Variants in HK1 observed in about 807,000 individuals in gnomAD.
HK1 encodes hexokinase-1.
A neutral mutation model predicts 91.6 loss-of-function variants in HK1; 28 were observed. The observed-to-expected ratio is 0.31, with a 90% confidence interval of 0.23 to 0.42. The LOEUF is 0.42. Among genes scored for constraint, HK1 ranks in the 10% least tolerant of loss-of-function variants. The probability of loss-of-function intolerance (pLI) is 1.00; values close to 1 mark genes in which losing one functional copy is unlikely to be tolerated. For synonymous variants in HK1, 430 were observed against 468.1 expected, an observed-to-expected ratio of 0.92 and a Z score of 1.05; for missense variants, 770 against 1,219.8, an observed-to-expected ratio of 0.63 and a Z score of 5.49.
intron 1 of HK1, among the ~76,000 whole-genome samples, chr10:69,275,271 A>G (rs1844380044): frequency 6.6e-6 from 1 of 151,632 alleles, no homozygotes; most frequent in Admixed American, 6.6e-5. Context: ...CTGTAATCTC[A>G]GTACTTTGGG....
At chr10:69,303,616 C>T (rs1018320349) in intron 5 of HK1, among the ~76,000 whole-genome samples, 9 of 152,056 alleles carry the variant, frequency 5.9e-5, no homozygotes, top group Admixed American at 2.0e-4. Context: ...CCTCTGGATC[C>T]GTCACCAGAG....
At chr10:69,368,222 G>A (rs771393967) in intron 4 of HK1, among the ~76,000 whole-genome samples, 1 of 152,234 alleles carries the variant, frequency 6.6e-6, no homozygotes, top group Non-Finnish European at 1.5e-5. Flanking sequence ...GTCTGGCTGC[G>A]CAGTTGGCAT....
rs112173331 is a variant in HK1, at chr10:69,337,508, A to G, written c.64-6319A>G. On this transcript the variant is annotated intron_variant, in intron 1 of 17. Coordinates refer to ENST00000359426, the MANE Select transcript of HK1 (RefSeq NM_000188.3). ...GGGATAATGTATGTGAAGGTCCTGT[A>G]TCTGAAGGGCCAGTGCACATGTGAG... Among the ~76,000 whole-genome samples, 124 of 152,352 alleles carry G rather than the reference A, an allele frequency of 8.1e-4. 1 individual carries two copies. The highest frequency in any genetic ancestry group is 2.8e-3 in the African/African-American group (118 of 41,580).
intron 1 of HK1, chr10:69,270,205 G>A (rs1380284077): frequency 1.3e-5 from 2 of 152,078 alleles, no homozygotes; most frequent in Non-Finnish European, 2.9e-5. Context: ...CGAACTCTTG[G>A]GCTCAAGCAA....
chr10:69,276,719 TATTA>T (rs1038154581), intron 1 of HK1, among the ~76,000 whole-genome samples: 31 of 150,600 alleles, frequency 2.1e-4, no homozygotes, highest in African/African-American at 7.5e-4. Flanking sequence ...ATTATTTAAT[TATTA>T]ATTAACATAA....
At chr10:69,349,371 C>A (rs1173410438) in intron 2 of HK1, among the ~76,000 whole-genome samples, 1 of 152,120 alleles carries the variant, frequency 6.6e-6, no homozygotes, top group East Asian at 1.9e-4. Context: ...TTGGAAACTG[C>A]AAACCACCGT....
intron 15 of HK1, 74 bp from the exon 16 acceptor site, chr10:69,394,876 G>A: frequency 6.8e-7 from 1 of 1,476,258 alleles, no homozygotes; most frequent in East Asian, 2.3e-5. Context: ...GACGCGGAGT[G>A]ACCGTGAGAC....
At chr10:69,274,336 G>A (rs1844331578) in intron 1 of HK1, among the ~76,000 whole-genome samples, 1 of 152,020 alleles carries the variant, frequency 6.6e-6, no homozygotes, top group African/African-American at 2.4e-5. Context: ...AGTGGCTCAC[G>A]TTTCTAATCC....
intron 15 of HK1, 25 bp from the exon 16 acceptor site, chr10:69,394,924 AC>A: frequency 2.5e-6 from 4 of 1,613,512 alleles, no homozygotes; most frequent in Non-Finnish European, 3.4e-6. Context: ...TCCCATAGAC[AC>A]CCCAGGCCCC....
chr10:69,287,595 GGGCT>G (rs1241241729), intron 2 of HK1, among the ~76,000 whole-genome samples: 1 of 152,182 alleles, frequency 6.6e-6, no homozygotes, highest in Non-Finnish European at 1.5e-5. Context: ...TGGTTGCCAG[GGGCT>G]GGGGGAAGGA....
At chr10:69,344,693 C>G (rs1391173931) in intron 2 of HK1, among the ~76,000 whole-genome samples, 1 of 152,238 alleles carries the variant, frequency 6.6e-6, no homozygotes, top group African/African-American at 2.4e-5. Context: ...GTATCAGCCC[C>G]TGCACCTGGC....
At chr10:69,287,743 T>A (rs1306158540) in intron 2 of HK1, among the ~76,000 whole-genome samples, 1 of 151,960 alleles carries the variant, frequency 6.6e-6, no homozygotes, top group East Asian at 1.9e-4. Flanking sequence ...AAAGGGTGAG[T>A]CTTTTGGTAT....
At chr10:69,332,148 C>T (rs1457469552) in intron 1 of HK1, among the ~76,000 whole-genome samples, 1 of 152,102 alleles carries the variant, frequency 6.6e-6, no homozygotes, top group Non-Finnish European at 1.5e-5. Flanking sequence ...CTCATATTAT[C>T]TTCCTGTTGG....
intron 4 of HK1, among the ~76,000 whole-genome samples, chr10:69,366,198 G>T (rs1009023872): frequency 2.6e-5 from 4 of 152,168 alleles, no homozygotes; most frequent in African/African-American, 4.8e-5. Context: ...TGAGTTAAGT[G>T]CTTATGATTC....
At chr10:69,276,442 T>C (rs1844478887) in intron 1 of HK1, among the ~76,000 whole-genome samples, 2 of 151,686 alleles carry the variant, frequency 1.3e-5, no homozygotes, top group South Asian at 4.1e-4. Flanking sequence ...GTGGATCACC[T>C]GAGGTTGTGA....
At chr10:69,373,392 C>A (rs186130222) in intron 7 of HK1, among the ~76,000 whole-genome samples, 16 of 152,258 alleles carry the variant, frequency 1.1e-4, no homozygotes, top group Admixed American at 2.0e-4. Flanking sequence ...AGCAGAGGAA[C>A]CTGCTTTGAG....
In HK1 at chr10:69,382,805, G is replaced by A. The variant is rs1839458558; in HGVS notation, c.1570+14G>A. 2 of 1,607,272 alleles carry A rather than the reference G, an allele frequency of 1.2e-6. No homozygotes were observed. Among genetic ancestry groups the A allele is most frequent in the Non-Finnish European group, 1.7e-6 (2 of 1,177,926 alleles). On this transcript the variant is annotated intron_variant, in intron 10 of 17. Transcript: ENST00000359426. ...CCGACGGGACCGGTGAGGGCCTGCTGGGGGCTGACATGCCTGTCCTGCTCC... is the reference window on the plus strand; with the variant it reads ...CCGACGGGACCGGTGAGGGCCTGCTAGGGGCTGACATGCCTGTCCTGCTCC...
intron 7 of HK1, among the ~76,000 whole-genome samples, chr10:69,375,811 C>T (rs901426270): frequency 1.3e-5 from 2 of 152,196 alleles, no homozygotes; most frequent in Non-Finnish European, 2.9e-5. Flanking sequence ...CATATGGCAT[C>T]GAGCCCTGGT....
Position 69,326,124 on chromosome 10 carries a change from G to A in HK1, c.63+7114G>A, listed in dbSNP as rs1018898784. Among the ~76,000 whole-genome samples the A allele has an allele frequency of 4.7e-5, 7 of 150,302 alleles. No homozygotes were observed. The East Asian group carries it at 7.8e-4, about 17-fold the overall frequency. On this transcript the variant is annotated intron_variant, in intron 1 of 17. Transcript: ENST00000359426. ...GTTGGGATTACAGACGTGAGCCACC[G>A]CGCCTGGCCGCTTTTTTTTTTTTTA...
Sources: allele counts gnomAD v4.1 joint callset (sites outside exome capture counted in the v4.1 genomes callset), GRCh38; gene constraint gnomAD v4.1.1; transcripts MANE v1.5; gene names NCBI Gene and HGNC (gene_info 2026-07-23, HGNC 2026-07-21).